PPFIA2: variants seen among roughly 807,000 people sequenced by gnomAD.
PPFIA2 encodes the protein liprin-alpha-2.
In PPFIA2, 46 loss-of-function variants were observed where a neutral mutation model predicts 175.5. The observed-to-expected ratio is 0.26, with a 90% CI of 0.21 to 0.34. PPFIA2 has a LOEUF of 0.34. PPFIA2 is among the 10% of genes least tolerant of loss of function. PPFIA2 has a pLI of 1.00. For synonymous variants in PPFIA2, 568 were observed against 511.4 expected (o/e 1.11, Z -1.49); for missense variants, 1,179 against 1,506.1 (o/e 0.78, Z 3.60).
Position 81,343,693 on chromosome 12 carries a change from T to C in PPFIA2, c.2262+971A>G, listed in dbSNP as rs187203212. Among the ~76,000 whole-genome samples the C allele has an allele frequency of 2.6e-3, 392 of 152,250 alleles. 1 individual carries two copies. The highest frequency in any genetic ancestry group is 9.0e-3 in the African/African-American group (376 of 41,572). On this transcript the variant is annotated intron_variant, in intron 19 of 32. Coordinates refer to ENST00000549396, the MANE Select transcript of PPFIA2 (RefSeq NM_003625.5). ...GATGTCCCATGAGTGAAAGCTCTAC[T>C]CAATTATCTAATAAGATGTCATTTT...
At chr12:81,410,621 T>G (rs2043764792) in intron 7 of PPFIA2, among the ~76,000 whole-genome samples, 1 of 152,076 alleles carries the variant, frequency 6.6e-6, no homozygotes, top group African/African-American at 2.4e-5. Context: ...AGGTATCCCT[T>G]CACATTTCTT....
intron 4 of PPFIA2, among the ~76,000 whole-genome samples, chr12:81,521,168 A>C (rs1438992024): frequency 6.6e-6 from 1 of 151,968 alleles, no homozygotes; most frequent in Non-Finnish European, 1.5e-5. Context: ...AATACAATGC[A>C]TTCTTGACTG....
intron 4 of PPFIA2, among the ~76,000 whole-genome samples, chr12:81,634,757 A>C (rs2063792549): frequency 6.6e-6 from 1 of 152,042 alleles, no homozygotes. Flanking sequence ...AAAATTCCAG[A>C]GGTAAAGAGA....
chr12:81,393,887 A>T (rs988914229), intron 8 of PPFIA2, among the ~76,000 whole-genome samples: 1 of 152,012 alleles, frequency 6.6e-6, no homozygotes, highest in African/African-American at 2.4e-5. Context: ...CTGAAGAATC[A>T]CTTTGGTAGA....
At chr12:81,753,024 T>C (rs960831536) in intron 3 of PPFIA2, among the ~76,000 whole-genome samples, 3 of 151,338 alleles carry the variant, frequency 2.0e-5, no homozygotes, top group Non-Finnish European at 4.4e-5. Context: ...AACCTCTGCC[T>C]CCCGGGTTCA....
intron 8 of PPFIA2, among the ~76,000 whole-genome samples, chr12:81,403,746 G>A (rs1181445578): frequency 6.6e-6 from 1 of 152,118 alleles, no homozygotes; most frequent in East Asian, 1.9e-4. Context: ...GCATGTATAG[G>A]ACTTCAGTAA....
At chr12:81,568,151 T>G (rs2071724132) in intron 4 of PPFIA2, among the ~76,000 whole-genome samples, 1 of 152,230 alleles carries the variant, frequency 6.6e-6, no homozygotes, top group African/African-American at 2.4e-5. Flanking sequence ...GGATAAAACA[T>G]TAATTTAATC....
chr12:81,707,509 A>C (rs1404001451), intron 3 of PPFIA2, among the ~76,000 whole-genome samples: 1 of 151,874 alleles, frequency 6.6e-6, no homozygotes, highest in Non-Finnish European at 1.5e-5. Context: ...AATCATTAAA[A>C]AGTCAGGAAA....
rs78599302 is a variant in PPFIA2 at position 81,528,543 on chromosome 12, T to C, written c.304-70677A>G. The stretch of plus-strand genomic sequence containing the variant: ...CAGAATTGGCTTTCTATTCAAATTA[T>C]TGAGTACATGTGTTCATCCCTAAGC... On this transcript the variant is annotated intron_variant, in intron 4 of 32. Transcript: ENST00000549396. Among the ~76,000 whole-genome samples the C allele has an allele frequency of 1.7e-3, 258 of 152,242 alleles. 1 individual carries two copies. Among genetic ancestry groups the C allele is most frequent in the African/African-American group, 6.0e-3 (250 of 41,568 alleles).
intron 22 of PPFIA2, among the ~76,000 whole-genome samples, chr12:81,311,499 C>G (rs998273732): frequency 6.6e-6 from 1 of 151,792 alleles, no homozygotes; most frequent in African/African-American, 2.4e-5. Flanking sequence ...TTTGGGAGGC[C>G]GAGGCGGGTG....
At chr12:81,756,884 A>G (rs1481533638) in intron 2 of PPFIA2, among the ~76,000 whole-genome samples, 1 of 152,188 alleles carries the variant, frequency 6.6e-6, no homozygotes, top group Non-Finnish European at 1.5e-5. Context: ...CCAATTTATA[A>G]AAATCAAATT....
At chr12:81,478,212 A>G (rs1456751433) in intron 4 of PPFIA2, among the ~76,000 whole-genome samples, 2 of 152,122 alleles carry the variant, frequency 1.3e-5, no homozygotes, top group African/African-American at 4.8e-5. Context: ...TGTTTATAGT[A>G]TTCTCTGACG....
chr12:81,497,594 C>G (rs979693267), intron 4 of PPFIA2, among the ~76,000 whole-genome samples: 40 of 129,566 alleles, frequency 3.1e-4, no homozygotes, highest in African/African-American at 1.2e-3. Context: ...GGCTGGAGTG[C>G]AATGGTGCGA....
intron 24 of PPFIA2, among the ~76,000 whole-genome samples, chr12:81,286,957 A>T (rs1248045067): frequency 1.3e-5 from 2 of 152,038 alleles, no homozygotes; most frequent in Non-Finnish European, 2.9e-5. Flanking sequence ...GCTCATTATA[A>T]ACAGAAAGTT....
rs141106261 is a variant in PPFIA2, at chr12:81,310,405, C to T, written c.2643-11023G>A. Reference sequence around the variant, plus strand: ...GTTAAGGTCCTAAAATGTTTAAGTTCGAGGAGCATGTGTAAGACAATAAGA... The same window carrying T: ...GTTAAGGTCCTAAAATGTTTAAGTTTGAGGAGCATGTGTAAGACAATAAGA... On this transcript the variant is annotated intron_variant, in intron 22 of 32. Coordinates refer to ENST00000549396, the MANE Select transcript of PPFIA2 (RefSeq NM_003625.5). Among the ~76,000 whole-genome samples, 392 of 152,090 alleles carry T rather than the reference C, an allele frequency of 2.6e-3. 1 individual carries two copies. Among genetic ancestry groups the T allele is most frequent in the African/African-American group, 9.1e-3 (376 of 41,512 alleles).
At chr12:81,526,238 C>A (rs920488682) in intron 4 of PPFIA2, among the ~76,000 whole-genome samples, 1 of 152,168 alleles carries the variant, frequency 6.6e-6, no homozygotes, top group Non-Finnish European at 1.5e-5. Context: ...GAACCTCTTA[C>A]TTGGAATGCC....
At chr12:81,612,127 G>A (rs2060987198) in intron 4 of PPFIA2, among the ~76,000 whole-genome samples, 1 of 152,034 alleles carries the variant, frequency 6.6e-6, no homozygotes, top group South Asian at 2.1e-4. Context: ...CTCTCTTGGT[G>A]GGAGCAGTGC....
chr12:81,491,702 T>C (rs530164085), intron 4 of PPFIA2, among the ~76,000 whole-genome samples: 5 of 152,042 alleles, frequency 3.3e-5, no homozygotes, highest in African/African-American at 9.6e-5. Flanking sequence ...ACCTCCAGAA[T>C]TGTGAGAAAT....
At chr12:81,644,369 G>A (rs1319286124) in intron 4 of PPFIA2, among the ~76,000 whole-genome samples, 1 of 151,768 alleles carries the variant, frequency 6.6e-6, no homozygotes, top group Non-Finnish European at 1.5e-5. Flanking sequence ...CTTAAGTTTG[G>A]ATTCCTTATT....
Sources: allele counts gnomAD v4.1 joint callset (sites outside exome capture counted in the v4.1 genomes callset), GRCh38; gene constraint gnomAD v4.1.1; transcripts MANE v1.5; gene names NCBI Gene and HGNC (gene_info 2026-07-23, HGNC 2026-07-21).